KPNA4: variants seen among roughly 807,000 people sequenced by gnomAD.
KPNA4 encodes the protein importin subunit alpha-3.
KPNA4 carries 13 observed loss-of-function variants against 71.3 expected under a neutral mutation model. The observed-to-expected ratio is 0.18, with a 90% CI of 0.12 to 0.29. KPNA4 has a LOEUF of 0.29. Ranked by LOEUF, KPNA4 falls within the 10% of genes least tolerant of loss-of-function variation. KPNA4 has a pLI of 1.00. For missense variants in KPNA4, 334 were observed against 603.2 expected (o/e 0.55, Z 4.67); for synonymous variants, 189 against 195.2 (o/e 0.97, Z 0.26).
At chr3:160,542,492 C>T (rs575637666) in intron 1 of KPNA4, among the ~76,000 whole-genome samples, 2 of 152,156 alleles carry the variant, frequency 1.3e-5, no homozygotes, top group South Asian at 4.1e-4. Context: ...AAATGCCTAA[C>T]ACTGTTAAAT....
chr3:160,514,783 C>A (rs1464975445), intron 12 of KPNA4: 1 of 361,090 alleles, frequency 2.8e-6, no homozygotes, highest in East Asian at 7.3e-5. Context: ...TTTATGTTAC[C>A]CTTTACATCA....
intron 11 of KPNA4, among the ~76,000 whole-genome samples, chr3:160,519,689 G>T (rs1389627174): frequency 6.6e-6 from 1 of 151,388 alleles, no homozygotes; most frequent in African/African-American, 2.4e-5. Context: ...CAGCTACTGG[G>T]GAGGCTGAGG....
At chr3:160,554,903 G>A (rs1237513135) in intron 1 of KPNA4, among the ~76,000 whole-genome samples, 1 of 152,192 alleles carries the variant, frequency 6.6e-6, no homozygotes, top group Non-Finnish European at 1.5e-5. Context: ...GCAAACATAA[G>A]GAGAGTGCTT....
intron 1 of KPNA4, among the ~76,000 whole-genome samples, chr3:160,554,510 T>TA (rs1722097650): frequency 6.6e-6 from 1 of 152,170 alleles, no homozygotes; most frequent in Non-Finnish European, 1.5e-5. Context: ...CTAAAATCCT[T>TA]AAAATCTATG....
chr3:160,509,415 C>CA (rs942821281), intron 14 of KPNA4, among the ~76,000 whole-genome samples: 4 of 151,854 alleles, frequency 2.6e-5, no homozygotes, highest in African/African-American at 9.7e-5. Context: ...CAAAACAAAA[C>CA]AAAAAACTCC....
chr3:160,565,451 C>A lies in KPNA4; in HGVS notation c.-169G>T. On this transcript the variant is annotated 5_prime_UTR_variant, in exon 1 of 17. Coordinates refer to ENST00000334256, the MANE Select transcript of KPNA4 (RefSeq NM_002268.5). The stretch of plus-strand genomic sequence containing the variant: ...CTCCGCCGCGGCCTTCTCCTCTCCC[C>A]GCCCGCCCCCCCGCCCTAACCCCAG... The A allele has an allele frequency of 1.7e-6, 1 of 593,624 alleles. No individual in the cohort carries two copies. The allele number at this position is 593,624 out of a possible 1,614,324, so 36.8% of individuals were successfully genotyped here.
At chr3:160,519,447 A>C (rs906270451) in intron 11 of KPNA4, among the ~76,000 whole-genome samples, 2 of 152,234 alleles carry the variant, frequency 1.3e-5, no homozygotes, top group Non-Finnish European at 2.9e-5. Context: ...ATACTGACTG[A>C]ATATTTAACA....
At chr3:160,541,449 C>CA (rs919022108) in intron 1 of KPNA4, among the ~76,000 whole-genome samples, 191 of 141,718 alleles carry the variant, frequency 1.3e-3, no homozygotes, top group African/African-American at 4.3e-3. Flanking sequence ...ACAGCACTAC[C>CA]AAAAAAAAAA....
Position 160,565,410 on chromosome 3 carries a change from T to C in KPNA4, c.-128A>G, listed in dbSNP as rs956685739. On this transcript the variant is annotated 5_prime_UTR_variant, in exon 1 of 17. Coordinates refer to ENST00000334256, the MANE Select transcript of KPNA4 (RefSeq NM_002268.5). ...TGTGCCCGCCGCGCCGCCGCTTCCT[T>C]CCTCCTCTCACCTGCCTCCGCCGCG... 1.4e-6 allele frequency: 1 copy of C among 729,830 alleles called. No homozygotes were observed. The highest frequency in any genetic ancestry group is 2.8e-5 in the East Asian group (1 of 35,380). The allele number at this position is 729,830 out of a possible 1,614,324, so 45.2% of individuals were successfully genotyped here.
intron 14 of KPNA4, 61 bp from the exon 15 acceptor site, chr3:160,508,330 C>G: frequency 4.1e-6 from 5 of 1,226,730 alleles, no homozygotes; most frequent in Non-Finnish European, 4.5e-6. Flanking sequence ...GCCATGTTAT[C>G]TCACTGGAAT....
In KPNA4 at chr3:160,498,193, C is replaced by G. The variant is rs1720804050; in HGVS notation, c.*3911G>C. 6.6e-6 allele frequency: 1 copy of G among 152,106 alleles called. No individual in the cohort carries two copies. The highest frequency in any genetic ancestry group is 2.4e-5 in the African/African-American group (1 of 41,410). The allele number at this position is 152,106 out of a possible 1,614,324, so 9.4% of individuals were successfully genotyped here. On this transcript the variant is annotated 3_prime_UTR_variant, in exon 17 of 17. Coordinates refer to ENST00000334256, the MANE Select transcript of KPNA4 (RefSeq NM_002268.5). ...TAATTCATGGACTCTTATGAATCCC[C>G]TAAAACTGTATGAAAAACTACCATG...
chr3:160,509,693 G>A, intron 14 of KPNA4, 107 bp downstream of exon 14: 2 of 844,932 alleles, frequency 2.4e-6, no homozygotes, highest in Non-Finnish European at 2.0e-6. Context: ...TGGCCTCCCA[G>A]GGTGTTGCTA....
In KPNA4 at chr3:160,530,946, A is replaced by C; in HGVS notation, c.384-6T>G. On this transcript the variant is annotated splice_region_variant and splice_polypyrimidine_tract_variant and intron_variant, in intron 6 of 16. Coordinates refer to ENST00000334256, the MANE Select transcript of KPNA4 (RefSeq NM_002268.5). Reference sequence around the variant, plus strand: ...CTTCAAACTGTAAAGAAGGACTACAAAAAAAAACAAGTATTTTTAAACAGC... The same window carrying C: ...CTTCAAACTGTAAAGAAGGACTACACAAAAAAACAAGTATTTTTAAACAGC... 6.3e-7 allele frequency: 1 copy of C among 1,594,260 alleles called. No homozygotes were observed.
chr3:160,547,104 T>C (rs1420748255), intron 1 of KPNA4, among the ~76,000 whole-genome samples: 6 of 152,230 alleles, frequency 3.9e-5, no homozygotes. Flanking sequence ...ACCAATTCTA[T>C]AAGATGAATT....
At chr3:160,521,755 T>C (rs538046983) in intron 11 of KPNA4, 24 bp downstream of exon 11, 9 of 1,605,410 alleles carry the variant, frequency 5.6e-6, no homozygotes, top group South Asian at 1.1e-5. Context: ...GAAATACTTA[T>C]AATTTAACTA....
chr3:160,538,957 A>C (rs1015404763), intron 1 of KPNA4, among the ~76,000 whole-genome samples: 4 of 152,192 alleles, frequency 2.6e-5, no homozygotes, highest in Non-Finnish European at 1.5e-5. Flanking sequence ...CCCTCTTTAC[A>C]GGACTGCTGT....
chr3:160,548,057 G>A (rs1052907572), intron 1 of KPNA4, among the ~76,000 whole-genome samples: 4 of 152,150 alleles, frequency 2.6e-5, no homozygotes, highest in Admixed American at 6.5e-5. Context: ...TTACCAAGGC[G>A]TGCTATTGTT....
At chr3:160,562,529 C>T (rs1722268119) in intron 1 of KPNA4, among the ~76,000 whole-genome samples, 1 of 152,132 alleles carries the variant, frequency 6.6e-6, no homozygotes, top group Non-Finnish European at 1.5e-5. Context: ...CTGATAAGTG[C>T]TTAGAGAGAT....
At chr3:160,533,868 T>G (rs1486981526) in intron 5 of KPNA4, among the ~76,000 whole-genome samples, 1 of 152,240 alleles carries the variant, frequency 6.6e-6, no homozygotes, top group Non-Finnish European at 1.5e-5. Context: ...GGCTTTAATT[T>G]TCTTGCAGAT....
Sources: gnomAD v4.1 joint callset for allele counts (sites outside exome capture counted in the v4.1 genomes callset) on GRCh38, gnomAD v4.1.1 for gene constraint, MANE v1.5 for transcripts, NCBI Gene and HGNC (gene_info 2026-07-23, HGNC 2026-07-21) for gene names.